MAML2: variants seen among roughly 807,000 people sequenced by gnomAD.
MAML2 encodes the protein mastermind like transcriptional coactivator 2.
In MAML2, 22 loss-of-function variants were observed where a neutral mutation model predicts 96.1. That is an observed-to-expected ratio of 0.23 (90% CI 0.16 to 0.33). MAML2 has a LOEUF of 0.33. MAML2 is among the 10% of genes least tolerant of loss of function. The probability of loss-of-function intolerance (pLI) is 1.00; values close to 1 mark genes in which losing one functional copy is unlikely to be tolerated. For synonymous variants in MAML2, 561 were observed against 521.3 expected (o/e 1.08, Z -1.04); for missense variants, 1,367 against 1,392.4 (o/e 0.98, Z 0.29).
At chr11:96,078,810 T>C (rs1455316843) in intron 2 of MAML2, among the ~76,000 whole-genome samples, 2 of 152,232 alleles carry the variant, frequency 1.3e-5, no homozygotes, top group African/African-American at 2.4e-5. Flanking sequence ...TAAAAAGTAA[T>C]GATTCTACCT....
chr11:96,258,403 A>G lies in MAML2; in HGVS notation c.513+82980T>C, dbSNP rs533022277. On this transcript the variant is annotated intron_variant, in intron 1 of 4. Coordinates refer to ENST00000524717, the MANE Select transcript of MAML2 (RefSeq NM_032427.4). ...TATTTTCTAGTGCCTTAAAAAAAGA[A>G]TGAAACTGAAAGAGGCAGCTTGAAG... 3.3e-5 allele frequency among the ~76,000 whole-genome samples: 5 copies of G among 152,334 alleles called. No homozygotes were observed. The South Asian group carries it at 1.0e-3, about 32-fold the overall frequency.
At chr11:96,240,659 G>T (rs1432879088) in intron 1 of MAML2, among the ~76,000 whole-genome samples, 1 of 150,400 alleles carries the variant, frequency 6.6e-6, no homozygotes, top group Non-Finnish European at 1.5e-5. Context: ...CATTGGCACA[G>T]CTCAATTTTA....
intron 1 of MAML2, among the ~76,000 whole-genome samples, chr11:96,191,077 T>C (rs956418089): frequency 1.2e-4 from 19 of 152,142 alleles, no homozygotes; most frequent in Admixed American, 1.1e-3. Context: ...TACCAGGCTA[T>C]AGATGCAGAA....
intron 4 of MAML2, among the ~76,000 whole-genome samples, chr11:95,982,877 G>A (rs948165): frequency 0.25 from 37,694 of 151,930 alleles, 5,034 homozygotes; most frequent in East Asian, 0.36. Context: ...AAATGCATTC[G>A]CTCACCACTC....
At chr11:96,141,689 CT>C (rs1860732598) in intron 1 of MAML2, among the ~76,000 whole-genome samples, 1 of 152,160 alleles carries the variant, frequency 6.6e-6, no homozygotes, top group Non-Finnish European at 1.5e-5. Flanking sequence ...AGGACCAGGC[CT>C]TAGCAATGGG....
At position 96,318,938 on chromosome 11, in the gene MAML2, C is replaced by G. The variant is rs115940600; in HGVS notation, c.513+22445G>C. The stretch of plus-strand genomic sequence containing the variant: ...GCCTTTAAGATGGCTCCCAGTGATG[C>G]CTACTCCCTGGTACTCATATCCTGT... On this transcript the variant is annotated intron_variant, in intron 1 of 4. Transcript: ENST00000524717. Among the ~76,000 whole-genome samples the G allele has an allele frequency of 1.9e-3, 291 of 152,312 alleles. 1 individual carries two copies. The highest frequency in any genetic ancestry group is 6.8e-3 in the African/African-American group (284 of 41,564).
rs75369619 is a variant in MAML2, at chr11:96,200,746, C to T, written c.514-107229G>A. ...TTTGGTGGAGGGTGGTGGGGGGATA[C>T]GGGTGGAGAAATGTTGAAATAGCTT... On this transcript the variant is annotated intron_variant, in intron 1 of 4. Coordinates refer to ENST00000524717, the MANE Select transcript of MAML2 (RefSeq NM_032427.4). Among the ~76,000 whole-genome samples the T allele has an allele frequency of 9.2e-3, 1,398 of 151,996 alleles. 21 individuals are homozygous for T. The highest frequency in any genetic ancestry group is 0.032 in the African/African-American group (1,319 of 41,434).
chr11:96,260,469 A>G (rs1161147296), intron 1 of MAML2, among the ~76,000 whole-genome samples: 1 of 152,202 alleles, frequency 6.6e-6, no homozygotes, highest in African/African-American at 2.4e-5. Context: ...GAGGTGCAGC[A>G]TAGTTCCGGC....
chr11:96,099,225 A>G (rs984793651), intron 1 of MAML2, among the ~76,000 whole-genome samples: 2 of 152,192 alleles, frequency 1.3e-5, no homozygotes, highest in Non-Finnish European at 2.9e-5. Flanking sequence ...CTGGGGATAG[A>G]TAACATTAGA....
intron 2 of MAML2, among the ~76,000 whole-genome samples, chr11:96,086,304 T>C (rs1859612434): frequency 6.6e-6 from 1 of 152,228 alleles, no homozygotes; most frequent in Admixed American, 6.5e-5. Flanking sequence ...TTTCATCCCA[T>C]TGTGAAACTC....
intron 2 of MAML2, among the ~76,000 whole-genome samples, chr11:96,084,255 A>G (rs1859572566): frequency 6.6e-6 from 1 of 152,146 alleles, no homozygotes; most frequent in Non-Finnish European, 1.5e-5. Flanking sequence ...TAAGCTGCCT[A>G]TGGAGTTGGA....
At chr11:96,124,079 C>A (rs924824852) in intron 1 of MAML2, among the ~76,000 whole-genome samples, 7 of 115,850 alleles carry the variant, frequency 6.0e-5, no homozygotes, top group Non-Finnish European at 9.8e-5. Flanking sequence ...CAACGAGCAA[C>A]GAGCAAAACT....
chr11:96,131,979 C>T (rs1452764213), intron 1 of MAML2, among the ~76,000 whole-genome samples: 1 of 152,174 alleles, frequency 6.6e-6, no homozygotes, highest in Non-Finnish European at 1.5e-5. Flanking sequence ...TATTGCACTC[C>T]AGCCTGGGCA....
intron 1 of MAML2, among the ~76,000 whole-genome samples, chr11:96,113,662 GCATTT>G (rs1379868542): frequency 6.6e-6 from 1 of 151,184 alleles, no homozygotes; most frequent in Admixed American, 6.6e-5. Flanking sequence ...CTATGGGTTT[GCATTT>G]GAAATGGTTA....
intron 2 of MAML2, among the ~76,000 whole-genome samples, chr11:96,005,044 A>T (rs1052209788): frequency 1.3e-5 from 2 of 152,196 alleles, no homozygotes; most frequent in African/African-American, 4.8e-5. Flanking sequence ...GAATGCCATG[A>T]TGAGAAGGCA....
At chr11:96,006,422 T>G (rs1009460752) in intron 2 of MAML2, among the ~76,000 whole-genome samples, 3 of 152,202 alleles carry the variant, frequency 2.0e-5, no homozygotes, top group Non-Finnish European at 1.5e-5. Flanking sequence ...GGTCTGATTA[T>G]TTTGTCTGTC....
intron 1 of MAML2, among the ~76,000 whole-genome samples, chr11:96,200,730 G>A (rs1367076164): frequency 6.6e-6 from 1 of 152,166 alleles, no homozygotes; most frequent in Non-Finnish European, 1.5e-5. Context: ...ATTTGGTGGA[G>A]GGTGGTGGGG....
At chr11:95,998,174 G>GTCTGTCTGTCTGTCTGTCTATCTA (rs139615820) in intron 2 of MAML2, among the ~76,000 whole-genome samples, 4,519 of 147,654 alleles carry the variant, frequency 0.031, 103 homozygotes, top group East Asian at 0.074. Flanking sequence ...CTGTCTGTCT[G>GTCTGTCTGTCTGTCTGTCTATCTA]TCTATCTATC....
intron 1 of MAML2, among the ~76,000 whole-genome samples, chr11:96,156,569 A>G (rs1861014563): frequency 6.6e-6 from 1 of 152,192 alleles, no homozygotes; most frequent in African/African-American, 2.4e-5. Context: ...TCCATCCTTG[A>G]CAGGATAAGG....
Sources: allele counts gnomAD v4.1 joint callset (sites outside exome capture counted in the v4.1 genomes callset), GRCh38; gene constraint gnomAD v4.1.1; transcripts MANE v1.5; gene names NCBI Gene and HGNC (gene_info 2026-07-23, HGNC 2026-07-21).